The following LPIN2 variants were observed in gnomAD, a reference collection of about 807,000 sequenced individuals.
LPIN2 encodes lipin 2.
In LPIN2, 55 loss-of-function variants were observed where a neutral mutation model predicts 111.4. That is an observed-to-expected ratio of 0.49 (90% confidence interval 0.40 to 0.62). LPIN2 has a LOEUF of 0.62. Ranked by LOEUF, LPIN2 falls within the 20% of genes least tolerant of loss-of-function variation. The pLI is 0.00. For missense variants in LPIN2, 992 were observed against 1,112.1 expected (o/e 0.89, Z 1.54); for synonymous variants, 425 against 414.0 (o/e 1.03, Z -0.32).
intron 1 of LPIN2, among the ~76,000 whole-genome samples, chr18:2,997,781 C>T (rs577484650): frequency 4.1e-4 from 62 of 152,332 alleles, no homozygotes; most frequent in South Asian, 3.5e-3. Context: ...TTCCTTACCC[C>T]CCATGCCACA....
intron 1 of LPIN2, among the ~76,000 whole-genome samples, chr18:2,995,511 G>C (rs1050235253): frequency 6.6e-6 from 1 of 152,144 alleles, no homozygotes; most frequent in Non-Finnish European, 1.5e-5. Context: ...ACCTCTGAAG[G>C]CTACAATAAA....
In LPIN2 at chr18:2,941,708, C is replaced by T. The variant is rs1017708810; in HGVS notation, c.591-996G>A. On this transcript the variant is annotated intron_variant, in intron 4 of 19. Coordinates refer to ENST00000677752, the MANE Select transcript of LPIN2 (RefSeq NM_001375808.2). ...TCGGAAGGCCGAGGCGGGTGGATCACGAGGTCAGGGGTTCAAGACCAGCCT... is the reference window on the plus strand; with the variant it reads ...TCGGAAGGCCGAGGCGGGTGGATCATGAGGTCAGGGGTTCAAGACCAGCCT... 1.1e-4 allele frequency among the ~76,000 whole-genome samples: 17 copies of T among 152,134 alleles called. 1 individual carries two copies. Among genetic ancestry groups the T allele is most frequent in the Admixed American group, 8.5e-4 (13 of 15,260 alleles).
intron 4 of LPIN2, 61 bp from the exon 5 acceptor site, chr18:2,940,773 C>G: frequency 1.1e-6 from 1 of 939,212 alleles, no homozygotes; most frequent in Non-Finnish European, 1.7e-6. Context: ...TTTAAAATAT[C>G]CCCCAAACCT....
In LPIN2 at chr18:2,927,808, T is replaced by C; in HGVS notation, c.1624A>G (p.Thr542Ala). The C allele has an allele frequency of 6.2e-7, 1 of 1,614,182 alleles. No individual in the cohort carries two copies. Among genetic ancestry groups the C allele is most frequent in the Non-Finnish European group, 8.5e-7 (1 of 1,180,004 alleles). ...TTGTCTTTCACCCAGGACTCAACTG[T>C]GGCCTGAAAACAACCAACCTGGGTT... ...QVFQKSLPKA[T>A]VESWVKDKMP... is the part of the protein sequence containing the mutation. Residue 542 changes from threonine (T) to alanine (A), a missense_variant, in exon 12 of 20, where the codon ACA becomes GCA. Transcript: ENST00000677752.
intron 4 of LPIN2, among the ~76,000 whole-genome samples, chr18:2,941,893 C>T (rs1339024283): frequency 6.6e-6 from 1 of 152,180 alleles, no homozygotes; most frequent in East Asian, 1.9e-4. Context: ...CACTGCACTC[C>T]AGCCTAGGTG....
At chr18:2,930,800 C>T (rs764836267) in intron 9 of LPIN2, among the ~76,000 whole-genome samples, 1 of 152,158 alleles carries the variant, frequency 6.6e-6, no homozygotes, top group Non-Finnish European at 1.5e-5. Flanking sequence ...AGAAAGTAAT[C>T]CTCCTAATTT....
chr18:2,939,905 G>A (rs2077345220), intron 5 of LPIN2, among the ~76,000 whole-genome samples: 2 of 152,186 alleles, frequency 1.3e-5, no homozygotes, highest in Non-Finnish European at 2.9e-5. Flanking sequence ...TTGTAGGAAA[G>A]GAAAAGCAGG....
chr18:2,944,396 G>A (rs1019464845), intron 4 of LPIN2, among the ~76,000 whole-genome samples: 2 of 121,698 alleles, frequency 1.6e-5, no homozygotes, highest in African/African-American at 3.1e-5. Flanking sequence ...CTGTCGCCCA[G>A]GCTGGAGTGC....
chr18:2,937,408 G>C (rs1448323824), intron 7 of LPIN2, among the ~76,000 whole-genome samples: 1 of 151,986 alleles, frequency 6.6e-6, no homozygotes, highest in East Asian at 1.9e-4. Flanking sequence ...AGCCGGGGAT[G>C]GTGGTGTGTG....
intron 1 of LPIN2, among the ~76,000 whole-genome samples, chr18:3,004,500 C>A (rs550269419): frequency 6.6e-6 from 1 of 152,262 alleles, no homozygotes; most frequent in East Asian, 1.9e-4. Flanking sequence ...GAATAAAAGA[C>A]TGGAAGCTCT....
intron 1 of LPIN2, among the ~76,000 whole-genome samples, chr18:3,010,334 A>G (rs1172719760): frequency 2.6e-5 from 4 of 152,240 alleles, no homozygotes; most frequent in Non-Finnish European, 5.9e-5. Context: ...GCTCCAGGCT[A>G]TAATACCTTC....
At chr18:2,943,429 CGTGTGTGTGTGT>C (rs145740705) in intron 4 of LPIN2, among the ~76,000 whole-genome samples, 6 of 142,252 alleles carry the variant, frequency 4.2e-5, no homozygotes, top group East Asian at 4.2e-4. Flanking sequence ...ATAAAAGCTG[CGTGTGTGTGTGT>C]GTGTGTGTGT....
At chr18:2,983,712 A>G (rs1347283462) in intron 1 of LPIN2, among the ~76,000 whole-genome samples, 2 of 152,232 alleles carry the variant, frequency 1.3e-5, no homozygotes, top group Non-Finnish European at 2.9e-5. Flanking sequence ...AAAAAAACTC[A>G]TAATTTCTAA....
chr18:3,008,246 A>T (rs1379576425), intron 1 of LPIN2, among the ~76,000 whole-genome samples: 2 of 152,222 alleles, frequency 1.3e-5, no homozygotes, highest in Non-Finnish European at 2.9e-5. Flanking sequence ...GTTCGAGACC[A>T]GCCTGGGCAA....
intron 2 of LPIN2, among the ~76,000 whole-genome samples, chr18:2,955,740 A>G (rs1004942236): frequency 6.6e-6 from 1 of 151,110 alleles, no homozygotes; most frequent in African/African-American, 2.4e-5. Context: ...ACATGGTGAA[A>G]CCCCGCCTCT....
chr18:2,979,836 T>C (rs1012440606), intron 1 of LPIN2, among the ~76,000 whole-genome samples: 4 of 152,218 alleles, frequency 2.6e-5, no homozygotes, highest in Non-Finnish European at 4.4e-5. Context: ...CCAGTAATCT[T>C]GTATGGTCCC....
At chr18:2,996,658 T>C (rs2078350054) in intron 1 of LPIN2, among the ~76,000 whole-genome samples, 1 of 151,512 alleles carries the variant, frequency 6.6e-6, no homozygotes, top group Admixed American at 6.6e-5. Flanking sequence ...TTTGTATTTT[T>C]AGTAGAGACG....
chr18:3,005,858 G>T (rs12326079), intron 1 of LPIN2, among the ~76,000 whole-genome samples: 69,980 of 152,004 alleles, frequency 0.46, 19,908 homozygotes, highest in East Asian at 0.94. Flanking sequence ...AGACCTCATC[G>T]CTATAAATAA....
intron 18 of LPIN2, chr18:2,921,161 G>T (rs1401411678): frequency 5.4e-6 from 3 of 558,844 alleles, no homozygotes; most frequent in African/African-American, 1.9e-5. Context: ...GAGGCCCGAT[G>T]GCCCTGCAGA....
Sources: gnomAD v4.1 joint callset for allele counts (sites outside exome capture counted in the v4.1 genomes callset) on GRCh38, gnomAD v4.1.1 for gene constraint, MANE v1.5 for transcripts, NCBI Gene and HGNC (gene_info 2026-07-23, HGNC 2026-07-21) for gene names.